NEK4: variants seen among roughly 807,000 people sequenced by gnomAD.
The protein encoded by NEK4 is NIMA related kinase 4, also known as serine/threonine-protein kinase Nek4.
In NEK4, 86 loss-of-function variants were observed where a neutral mutation model predicts 98.4. That is an observed-to-expected ratio of 0.87 (90% CI 0.73 to 1.05). The LOEUF (loss-of-function observed/expected upper bound fraction) is 1.05, where lower values mean the gene tolerates loss of function less well. NEK4 is among the 50% of genes least tolerant of loss of function. NEK4 has a pLI of 0.00. For synonymous variants in NEK4, 328 were observed against 342.2 expected (o/e 0.96, Z 0.46); for missense variants, 898 against 950.3 (o/e 0.94, Z 0.72).
At chr3:52,733,648 G>A in intron 15 of NEK4, 1 of 480,920 alleles carries the variant, frequency 2.1e-6, no homozygotes, top group South Asian at 1.6e-5. Context: ...CAGGACTTAT[G>A]GCCCATCTTC....
At chr3:52,713,068 CCT>C (rs1443004030) in intron 15 of NEK4, among the ~76,000 whole-genome samples, 1 of 152,180 alleles carries the variant, frequency 6.6e-6, no homozygotes, top group Non-Finnish European at 1.5e-5. Context: ...CCAGTACTTC[CCT>C]GTCCCCCTTC....
rs2097347348 is a variant in NEK4 at position 52,708,760 on chromosome 3, G to T, written c.*3017C>A. On this transcript the variant is annotated 3_prime_UTR_variant, in exon 16 of 16. Coordinates refer to ENST00000233027, the MANE Select transcript of NEK4 (RefSeq NM_003157.6). ...ACAAAGCAACAGGAAAAAAAAAACT[G>T]CAAGCAGTAAAGGTTGTGCAGGTGA... is the stretch of plus-strand genomic sequence containing the variant. The T allele has an allele frequency of 6.6e-6, 1 of 152,088 alleles. No individual in the cohort carries two copies. Among genetic ancestry groups the T allele is most frequent in the Non-Finnish European group, 1.5e-5 (1 of 68,020 alleles). The allele number at this position is 152,088 out of a possible 1,614,324, so 9.4% of individuals were successfully genotyped here. A position where few individuals can be genotyped will look rare whatever the true frequency, so the allele number is the denominator to read the frequency against.
At chr3:52,732,557 A>G in intron 15 of NEK4, 1 of 264,116 alleles carries the variant, frequency 3.8e-6, no homozygotes. Flanking sequence ...AAGAAGCGGA[A>G]AGAAAAGGAA....
chr3:52,719,956 T>C (rs1287969942), intron 15 of NEK4, among the ~76,000 whole-genome samples: 1 of 151,998 alleles, frequency 6.6e-6, no homozygotes, highest in Admixed American at 6.6e-5. Flanking sequence ...GCACCAAATA[T>C]GTATAAAGAA....
chr3:52,726,523 C>T (rs908636615), intron 15 of NEK4, among the ~76,000 whole-genome samples: 6 of 148,444 alleles, frequency 4.0e-5, no homozygotes, highest in South Asian at 2.1e-4. Flanking sequence ...GCTGTGAATC[C>T]GGGAGGCAGA....
chr3:52,754,086 C>T (rs2097410457), intron 6 of NEK4: 1 of 247,558 alleles, frequency 4.0e-6, no homozygotes, highest in South Asian at 5.0e-5. Flanking sequence ...CACTTGAACC[C>T]AGGAGGCAGA....
intron 5 of NEK4, 109 bp from the exon 6 acceptor site, chr3:52,761,045 C>T: frequency 1.5e-6 from 1 of 679,104 alleles, no homozygotes; most frequent in Admixed American, 2.7e-5. Flanking sequence ...AGAACTGCAC[C>T]ATTTATAGAG....
intron 15 of NEK4, among the ~76,000 whole-genome samples, chr3:52,724,865 T>G (rs1476067822): frequency 6.6e-6 from 1 of 152,222 alleles, no homozygotes; most frequent in African/African-American, 2.4e-5. Context: ...ATATGTTGAT[T>G]AGCTTGATTT....
chr3:52,721,466 G>GA (rs2097360030), intron 15 of NEK4, among the ~76,000 whole-genome samples: 1 of 152,118 alleles, frequency 6.6e-6, no homozygotes, highest in Non-Finnish European at 1.5e-5. Context: ...GGTGGCTTAT[G>GA]CCTAGAATCC....
intron 5 of NEK4, 114 bp downstream of exon 5, chr3:52,763,356 T>C (rs1363441214): frequency 1.8e-6 from 2 of 1,129,164 alleles, no homozygotes; most frequent in Non-Finnish European, 2.5e-6. Context: ...TCATGCCATT[T>C]TATTTCTTGT....
At chr3:52,727,022 T>C (rs2097365255) in intron 15 of NEK4, among the ~76,000 whole-genome samples, 1 of 147,184 alleles carries the variant, frequency 6.8e-6, no homozygotes. Flanking sequence ...TTGCCCAGGC[T>C]AGAATGCAAT....
At chr3:52,733,664 C>A in intron 15 of NEK4, 1 of 465,058 alleles carries the variant, frequency 2.2e-6, no homozygotes, top group South Asian at 1.6e-5. Flanking sequence ...TCTTCTAATC[C>A]ATACTGGAGA....
Position 52,739,551 on chromosome 3 carries a change from T to C in NEK4, c.2177A>G (p.Asp726Gly), listed in dbSNP as rs1340866904. ...LKLDSKESCEDVPVANPVSEF... is the reference protein window; with the variant it reads ...LKLDSKESCEGVPVANPVSEF... ...TGACACTGGGTTTGCTACCGGGACA[T>C]CTTCACAGCTCTCTTTAGAATCCAG... The change falls in exon 14 of 16, where the codon GAT (aspartate) becomes GGT (glycine). Residue 726 changes from aspartate (D) to glycine (G), a missense_variant. Coordinates refer to ENST00000233027, the MANE Select transcript of NEK4 (RefSeq NM_003157.6). 3 of 1,614,174 alleles carry C rather than the reference T, an allele frequency of 1.9e-6. No homozygotes were observed. The highest frequency in any genetic ancestry group is 2.5e-6 in the Non-Finnish European group (3 of 1,179,994).
At chr3:52,760,696 C>A in intron 6 of NEK4, 99 bp downstream of exon 6, 2 of 818,790 alleles carry the variant, frequency 2.4e-6, no homozygotes, top group East Asian at 4.9e-5. Context: ...AACAGAATCT[C>A]TAGTAAAGCA....
intron 12 of NEK4, chr3:52,743,079 C>G: frequency 3.5e-6 from 1 of 289,244 alleles, no homozygotes. Context: ...GCCACTGCAT[C>G]AGGCCAGGAA....
At chr3:52,744,835 G>C (rs2097393211) in intron 10 of NEK4, among the ~76,000 whole-genome samples, 1 of 151,912 alleles carries the variant, frequency 6.6e-6, no homozygotes, top group South Asian at 2.1e-4. Context: ...TGATCACAAT[G>C]ATCACAGCCC....
chr3:52,711,841 T>C lies in NEK4; in HGVS notation c.2462A>G (p.Lys821Arg). ...EVRLREHMGEKYTTYSVKARQ... is the reference protein window; with the variant it reads ...EVRLREHMGERYTTYSVKARQ... ...AGCTTTCACACTGTAAGTTGTATAC[T>C]TTTCACCCATGTGCTCCCGCAAACG... Residue 821 changes from lysine to arginine, a missense_variant, in exon 16 of 16, where the codon AAG (lysine) becomes AGG (arginine). Transcript: ENST00000233027. The C allele has an allele frequency of 6.2e-7, 1 of 1,608,410 alleles. No individual in the cohort carries two copies. Among genetic ancestry groups the C allele is most frequent in the Non-Finnish European group, 8.5e-7 (1 of 1,176,486 alleles).
chr3:52,764,383 G>A (rs1185211380), intron 4 of NEK4, among the ~76,000 whole-genome samples: 5 of 151,902 alleles, frequency 3.3e-5, no homozygotes, highest in Non-Finnish European at 7.4e-5. Context: ...TGTAATCTCA[G>A]CACCTTGGGA....
chr3:52,737,904 C>T (rs11130326), intron 14 of NEK4, among the ~76,000 whole-genome samples, 185 bp from the exon 15 acceptor site: 5,915 of 152,050 alleles, frequency 0.039, 156 homozygotes, highest in Non-Finnish European at 0.055. Flanking sequence ...AGCTCCACCC[C>T]CTAGGTTCAT....
Sources: allele counts gnomAD v4.1 joint callset (sites outside exome capture counted in the v4.1 genomes callset), GRCh38; gene constraint gnomAD v4.1.1; transcripts MANE v1.5; gene names NCBI Gene and HGNC (gene_info 2026-07-23, HGNC 2026-07-21).